Variants in PHF14 observed in about 807,000 individuals in gnomAD.
PHF14 encodes the protein PHD finger protein 14.
Under a neutral mutation model 117.9 loss-of-function variants are expected in PHF14, and 55 were observed. The observed-to-expected ratio is 0.47, with a 90% CI of 0.38 to 0.58. The LOEUF (loss-of-function observed/expected upper bound fraction) is 0.58, where lower values mean the gene tolerates loss of function less well. Among genes scored for constraint, PHF14 ranks in the 20% least tolerant of loss-of-function variants. The pLI is 0.00. For synonymous variants in PHF14, 409 were observed against 368.6 expected (o/e 1.11, Z -1.26); for missense variants, 978 against 1,122.2 (o/e 0.87, Z 1.84).
intron 13 of PHF14, among the ~76,000 whole-genome samples, chr7:11,050,995 A>T (rs1403535984): frequency 1.3e-5 from 2 of 152,156 alleles, no homozygotes; most frequent in Admixed American, 6.5e-5. Context: ...ATTTTCAGGT[A>T]TCACAGTATA....
At chr7:11,139,482 C>A (rs963617130) in intron 17 of PHF14, among the ~76,000 whole-genome samples, 1 of 152,102 alleles carries the variant, frequency 6.6e-6, no homozygotes, top group Non-Finnish European at 1.5e-5. Context: ...TCAAGTTAGC[C>A]TAATGGAGTT....
In PHF14 at chr7:11,040,717, C is replaced by T. The variant is rs763499836; in HGVS notation, c.2122C>T (p.Pro708Ser). 1.5e-5 allele frequency: 24 copies of T among 1,569,350 alleles called. No individual in the cohort carries two copies. The Admixed American group carries it at 4.3e-4, about 28-fold the overall frequency. Residue 708 changes from proline (P) to serine (S), a missense_variant, in exon 12 of 18, where the codon CCA becomes TCA. This residue lies in a region of PHF14 where 237 missense variants were observed against 276.4 expected (regional missense o/e 0.86). Transcript: ENST00000634607. ...TTTGCGAGCACCCAAGGAGAGAAAACCAAGTAAAAAAGAAGGAGGCACACA... is the reference window on the plus strand; with the variant it reads ...TTTGCGAGCACCCAAGGAGAGAAAATCAAGTAAAAAAGAAGGAGGCACACA... ...AILRAPKERK[P>S]SKKEGGTQKT...
intron 17 of PHF14, among the ~76,000 whole-genome samples, chr7:11,140,691 A>T (rs528198379): frequency 9.9e-5 from 15 of 152,156 alleles, no homozygotes; most frequent in Non-Finnish European, 1.8e-4. Context: ...TCAAGCAAGG[A>T]AGTTGAAATA....
intron 14 of PHF14, among the ~76,000 whole-genome samples, chr7:11,058,012 G>T (rs1237808228): frequency 6.6e-6 from 1 of 152,174 alleles, no homozygotes; most frequent in Non-Finnish European, 1.5e-5. Context: ...GATTAATCAT[G>T]TGGAATTTCC....
At chr7:11,122,398 CAT>C (rs199497476) in intron 17 of PHF14, among the ~76,000 whole-genome samples, 1,236 of 123,508 alleles carry the variant, frequency 0.01, 31 homozygotes, top group African/African-American at 0.034. Flanking sequence ...CATACACACA[CAT>C]ATATATATAC....
rs564199002 is a variant in PHF14 at position 10,973,927 on chromosome 7, C to T, written c.-397C>T. The T allele has an allele frequency of 2.2e-5, 4 of 182,746 alleles. No homozygotes were observed. The highest frequency in any genetic ancestry group is 1.5e-4 in the East Asian group (1 of 6,812). 11.3% of individuals were successfully genotyped at this position (182,746 alleles called of 1,614,324 possible). A position where few individuals can be genotyped will look rare whatever the true frequency, so the allele number is the denominator to read the frequency against. On this transcript the variant is annotated 5_prime_UTR_variant, in exon 1 of 18. Coordinates refer to ENST00000634607, the MANE Select transcript of PHF14 (RefSeq NM_001007157.2). ...TGCTTTCCCTATTGTCTGAGGCAGC[C>T]GCCCTCGCGCTGTGCAATTTCTGGT...
chr7:11,126,938 T>C (rs146710676), intron 17 of PHF14, among the ~76,000 whole-genome samples: 1 of 152,170 alleles, frequency 6.6e-6, no homozygotes, highest in East Asian at 1.9e-4. Context: ...TCTTACGTTT[T>C]TATTGTGATT....
chr7:10,987,829 A>C, intron 3 of PHF14, among the ~76,000 whole-genome samples: 1 of 152,052 alleles, frequency 6.6e-6, no homozygotes, highest in African/African-American at 2.4e-5. Flanking sequence ...TCTAATCATA[A>C]GTGTGCTTAA....
At chr7:11,153,436 T>C (rs1788756181) in intron 17 of PHF14, among the ~76,000 whole-genome samples, 1 of 152,094 alleles carries the variant, frequency 6.6e-6, no homozygotes, top group African/African-American at 2.4e-5. Context: ...AGAATTTGGC[T>C]TTGTACATGG....
intron 17 of PHF14, among the ~76,000 whole-genome samples, chr7:11,112,750 G>A (rs11979226): frequency 0.021 from 3,180 of 151,218 alleles, 99 homozygotes; most frequent in African/African-American, 0.073. Context: ...CAACCTGGGC[G>A]ACAGGGCGAG....
chr7:11,081,917 G>A lies in PHF14; in HGVS notation c.2654+19832G>A, dbSNP rs565020584. Reference sequence around the variant, plus strand: ...ATAAATATTTTTATTTCATTTTAAAGCTTTTCTCTATCTTCATAGGTTTTT... The same window carrying A: ...ATAAATATTTTTATTTCATTTTAAAACTTTTCTCTATCTTCATAGGTTTTT... On this transcript the variant is annotated intron_variant, in intron 16 of 17. Transcript: ENST00000634607. Among the ~76,000 whole-genome samples, 333 of 151,830 alleles carry A rather than the reference G, an allele frequency of 2.2e-3. 3 individuals carry two copies. Among genetic ancestry groups the A allele is most frequent in the African/African-American group, 7.5e-3 (309 of 41,432 alleles).
At position 10,991,877 on chromosome 7, in the gene PHF14, C is replaced by T. The variant is rs779178754; in HGVS notation, c.1045+1030C>T. 1.2e-3 allele frequency among the ~76,000 whole-genome samples: 182 copies of T among 147,062 alleles called. 1 individual carries two copies. The highest frequency in any genetic ancestry group is 2.3e-3 in the Non-Finnish European group (152 of 67,052). On this transcript the variant is annotated intron_variant, in intron 4 of 17. Coordinates refer to ENST00000634607, the MANE Select transcript of PHF14 (RefSeq NM_001007157.2). The stretch of plus-strand genomic sequence containing the variant: ...CCTCTCAAAGTGCTGAGATTACAGG[C>T]ATGAACCAGTGTGCCAGGCCTTATT...
chr7:11,029,222 T>C (rs1397451102), intron 7 of PHF14, among the ~76,000 whole-genome samples: 1 of 152,240 alleles, frequency 6.6e-6, no homozygotes, highest in Non-Finnish European at 1.5e-5. Context: ...TCTCTGTTAC[T>C]ATCTCTTTAC....
intron 13 of PHF14, among the ~76,000 whole-genome samples, chr7:11,046,470 A>G (rs1480759060): frequency 6.6e-6 from 1 of 152,186 alleles, no homozygotes. Flanking sequence ...AAGAAAACTC[A>G]AACCCTTCTA....
At chr7:11,120,012 A>G (rs1787705488) in intron 17 of PHF14, among the ~76,000 whole-genome samples, 1 of 151,410 alleles carries the variant, frequency 6.6e-6, no homozygotes, top group Admixed American at 6.6e-5. Flanking sequence ...TAGATTGTGT[A>G]TCTATAAGCA....
At chr7:11,129,679 A>T (rs1363702574) in intron 17 of PHF14, among the ~76,000 whole-genome samples, 1 of 151,788 alleles carries the variant, frequency 6.6e-6, no homozygotes, top group Non-Finnish European at 1.5e-5. Context: ...ATTGGATAAA[A>T]ATCTGTATAG....
chr7:11,012,122 T>G (rs1583363857), intron 4 of PHF14, among the ~76,000 whole-genome samples: 1 of 152,188 alleles, frequency 6.6e-6, no homozygotes, highest in South Asian at 2.1e-4. Context: ...CAAAATTGAG[T>G]TGTAGGAATT....
At position 11,037,068 on chromosome 7, in the gene PHF14, A is replaced by G. The variant is rs1238260671; in HGVS notation, c.1957A>G (p.Lys653Glu). The G allele has an allele frequency of 1.3e-6, 2 of 1,501,042 alleles. No individual in the cohort carries two copies. The highest frequency in any genetic ancestry group is 2.5e-5 in the South Asian group (2 of 81,590). 93.0% of individuals were successfully genotyped at this position (1,501,042 alleles called of 1,614,324 possible). A position where few individuals can be genotyped will look rare whatever the true frequency, so the allele number is the denominator to read the frequency against. Reference protein sequence around the residue: ...IKDKLENEQEKLHVEYNKLCE... With the variant: ...IKDKLENEQEELHVEYNKLCE... ...AGATAAATTAGAGAATGAACAAGAA[A>G]AGCTTCATGTAGAATATAATAAGGT... Residue 653 changes from lysine to glutamate, a missense_variant, in exon 10 of 18, where the codon AAG becomes GAG. Coordinates refer to ENST00000634607, the MANE Select transcript of PHF14 (RefSeq NM_001007157.2).
rs1483496256 is a variant in PHF14, at chr7:11,031,507, C to G, written c.1455+2689C>G. Among the ~76,000 whole-genome samples, 48 of 151,088 alleles carry G rather than the reference C, an allele frequency of 3.2e-4. 1 individual carries two copies. The highest frequency in any genetic ancestry group is 6.6e-5 in the Admixed American group (1 of 15,088). On this transcript the variant is annotated intron_variant, in intron 7 of 17. Coordinates refer to ENST00000634607, the MANE Select transcript of PHF14 (RefSeq NM_001007157.2). Reference sequence around the variant, plus strand: ...GTGGCTCATGCCTGTAATCTCAACACTTTGGGAGGCCAAGGCCAGAGGATT... The same window carrying G: ...GTGGCTCATGCCTGTAATCTCAACAGTTTGGGAGGCCAAGGCCAGAGGATT...
Sources: gnomAD v4.1 joint callset for allele counts (sites outside exome capture counted in the v4.1 genomes callset) on GRCh38, gnomAD v4.1.1 for gene constraint, gnomAD v4.1.1 regional missense constraint, MANE v1.5 for transcripts, NCBI Gene and HGNC (gene_info 2026-07-23, HGNC 2026-07-21) for gene names.